Variants in NEK7 observed in about 807,000 individuals in gnomAD.
NEK7 encodes the protein serine/threonine-protein kinase Nek7.
Under a neutral mutation model 44.6 loss-of-function variants are expected in NEK7, and 18 were observed. The ratio of observed to expected loss-of-function variants is 0.40; its 90% confidence interval spans 0.28 to 0.60. The LOEUF (loss-of-function observed/expected upper bound fraction) is 0.60. Among genes scored for constraint, NEK7 ranks in the 20% least tolerant of loss-of-function variants. NEK7 has a pLI of 0.38. For missense variants in NEK7, 256 were observed against 366.5 expected (o/e 0.70, Z 2.46); for synonymous variants, 130 against 121.1 (o/e 1.07, Z -0.48).
intron 1 of NEK7, among the ~76,000 whole-genome samples, chr1:198,217,453 A>G (rs575985357): frequency 5.3e-5 from 8 of 152,210 alleles, no homozygotes; most frequent in African/African-American, 1.9e-4. Flanking sequence ...AATAAAAACC[A>G]TATATGACAA....
rs116771301 is a variant in NEK7 at position 198,224,164 on chromosome 1, A to G, written c.-28-8389A>G. ...GCCATGTGCCACATAATGATGCTTTATGGACTGCATATAAAACTTATGGTT... is the reference window on the plus strand; with the variant it reads ...GCCATGTGCCACATAATGATGCTTTGTGGACTGCATATAAAACTTATGGTT... On this transcript the variant is annotated intron_variant, in intron 1 of 9. Coordinates refer to ENST00000367385, the MANE Select transcript of NEK7 (RefSeq NM_133494.3). 6.8e-3 allele frequency among the ~76,000 whole-genome samples: 1,043 copies of G among 152,294 alleles called. 6 individuals are homozygous for G. Among genetic ancestry groups the G allele is most frequent in the Middle Eastern group, 0.014 (4 of 294 alleles).
chr1:198,290,409 T>C (rs1039589964), intron 7 of NEK7, among the ~76,000 whole-genome samples: 8 of 152,192 alleles, frequency 5.3e-5, no homozygotes, highest in African/African-American at 1.9e-4. Flanking sequence ...TGAAAACATA[T>C]CACTGCATTT....
intron 1 of NEK7, among the ~76,000 whole-genome samples, chr1:198,190,947 TG>T (rs1419667847): frequency 1.3e-5 from 2 of 152,134 alleles, no homozygotes; most frequent in African/African-American, 4.8e-5. Flanking sequence ...TTAGTGCATT[TG>T]CTTTTATTTC....
At chr1:198,216,056 C>A (rs549736891) in intron 1 of NEK7, among the ~76,000 whole-genome samples, 71 of 152,026 alleles carry the variant, frequency 4.7e-4, no homozygotes, top group Non-Finnish European at 8.8e-4. Context: ...AACAAATGAA[C>A]CTGCACCGTA....
At chr1:198,226,906 T>C (rs1322873766) in intron 1 of NEK7, among the ~76,000 whole-genome samples, 2 of 152,194 alleles carry the variant, frequency 1.3e-5, no homozygotes, top group Admixed American at 6.6e-5. Flanking sequence ...TTAGGGTACA[T>C]ATACACAACG....
At chr1:198,261,660 AT>A (rs372724130) in intron 3 of NEK7, among the ~76,000 whole-genome samples, 3,746 of 151,604 alleles carry the variant, frequency 0.025, 72 homozygotes, top group African/African-American at 0.046. Flanking sequence ...ACTGACTTAG[AT>A]TTTTTTTGCA....
intron 7 of NEK7, among the ~76,000 whole-genome samples, chr1:198,288,541 A>G (rs1654450667): frequency 6.6e-6 from 1 of 152,212 alleles, no homozygotes. Context: ...AATGCAAGAG[A>G]CAAGAACTAC....
intron 1 of NEK7, among the ~76,000 whole-genome samples, chr1:198,187,849 A>G (rs1405572927): frequency 6.6e-6 from 1 of 152,254 alleles, no homozygotes; most frequent in Non-Finnish European, 1.5e-5. Context: ...AAATTAGGGT[A>G]CAAAGGTACA....
intron 1 of NEK7, among the ~76,000 whole-genome samples, chr1:198,165,180 A>T (rs977207735): frequency 6.6e-6 from 1 of 152,198 alleles, no homozygotes; most frequent in Non-Finnish European, 1.5e-5. Flanking sequence ...ACTCCCTCAA[A>T]GTCGTCCATG....
intron 5 of NEK7, among the ~76,000 whole-genome samples, chr1:198,272,493 T>C (rs889119983): frequency 6.6e-6 from 1 of 151,872 alleles, no homozygotes; most frequent in Non-Finnish European, 1.5e-5. Context: ...TTATGAAAAT[T>C]AAAATATCTC....
At position 198,319,438 on chromosome 1, in the gene NEK7, C is replaced by T. The variant is rs758765284; in HGVS notation, c.825C>T (p.Ile275=). 8.1e-6 allele frequency: 13 copies of T among 1,612,714 alleles called. No homozygotes were observed. The highest frequency in any genetic ancestry group is 8.5e-6 in the Non-Finnish European group (10 of 1,179,158). The change falls in exon 10 of 10, where the codon ATC becomes ATT. Residue 275 remains isoleucine (I), a synonymous_variant. Coordinates refer to ENST00000367385, the MANE Select transcript of NEK7 (RefSeq NM_133494.3). ...TCCGACAGTTAGTTAATATGTGCAT[C>T]AACCCAGATCCAGAGAAGCGACCAG... ...EELRQLVNMC[I]NPDPEKRPDV...
chr1:198,310,076 C>G lies in NEK7; in HGVS notation c.799-9336C>G, dbSNP rs1407941679. ...GTCCCACCAACAGTGTAAAAGTGTT[C>G]CTATTTCTCCACATCCTCTCCAGCA... On this transcript the variant is annotated intron_variant, in intron 9 of 9. Transcript: ENST00000367385. 9.5e-4 allele frequency among the ~76,000 whole-genome samples: 144 copies of G among 151,950 alleles called. 5 individuals are homozygous for G. Among genetic ancestry groups the G allele is most frequent in the Middle Eastern group, 6.8e-3 (2 of 292 alleles).
intron 2 of NEK7, among the ~76,000 whole-genome samples, chr1:198,239,594 G>A (rs1474524659): frequency 6.6e-6 from 1 of 151,976 alleles, no homozygotes; most frequent in Non-Finnish European, 1.5e-5. Flanking sequence ...GACTATATTA[G>A]CATGCTTCTA....
At chr1:198,244,500 A>AG (rs965929194) in intron 2 of NEK7, among the ~76,000 whole-genome samples, 3 of 152,166 alleles carry the variant, frequency 2.0e-5, no homozygotes, top group African/African-American at 7.2e-5. Context: ...GGCAAACAGA[A>AG]GGAATTTTAT....
At chr1:198,295,622 ATT>A (rs1300486055) in intron 8 of NEK7, among the ~76,000 whole-genome samples, 7 of 145,040 alleles carry the variant, frequency 4.8e-5, no homozygotes, top group African/African-American at 5.0e-5. Context: ...GGACATTCAG[ATT>A]TTTTTTTTTT....
chr1:198,240,223 G>A lies in NEK7; in HGVS notation c.57+7586G>A, dbSNP rs75186622. ...AATGACTTCAAAATATTTAAAGTGC[G>A]TTTGAGTTGTCTTTAAATTTAGATT... On this transcript the variant is annotated intron_variant, in intron 2 of 9. Coordinates refer to ENST00000367385, the MANE Select transcript of NEK7 (RefSeq NM_133494.3). Among the ~76,000 whole-genome samples, 382 of 152,262 alleles carry A rather than the reference G, an allele frequency of 2.5e-3. 1 individual carries two copies. The highest frequency in any genetic ancestry group is 8.6e-3 in the African/African-American group (359 of 41,550).
intron 9 of NEK7, among the ~76,000 whole-genome samples, chr1:198,300,612 C>G (rs951695702): frequency 6.6e-6 from 1 of 152,198 alleles, no homozygotes; most frequent in Non-Finnish European, 1.5e-5. Flanking sequence ...GGATGCCTCC[C>G]CCTGCAGACT....
chr1:198,217,265 G>C (rs187647356), intron 1 of NEK7, among the ~76,000 whole-genome samples: 4 of 151,788 alleles, frequency 2.6e-5, no homozygotes, highest in Admixed American at 2.0e-4. Context: ...CCATGATCAA[G>C]TGGGTTGCAG....
At chr1:198,163,887 T>C (rs1326017989) in intron 1 of NEK7, among the ~76,000 whole-genome samples, 1 of 152,204 alleles carries the variant, frequency 6.6e-6, no homozygotes, top group Non-Finnish European at 1.5e-5. Flanking sequence ...TAAGAAATAT[T>C]TTTTATTGTT....
Sources: allele counts gnomAD v4.1 joint callset (sites outside exome capture counted in the v4.1 genomes callset), GRCh38; gene constraint gnomAD v4.1.1; transcripts MANE v1.5; gene names NCBI Gene and HGNC (gene_info 2026-07-23, HGNC 2026-07-21).